The following SLC60A2 variants were observed in gnomAD, a reference collection of about 807,000 sequenced individuals.
SLC60A2 encodes the protein major facilitator superfamily domain containing 4B.
At chr6:111,259,387 C>A in the SLC60A2 span, 1 of 371,668 alleles carries the variant, frequency 2.7e-6, no homozygotes, top group Non-Finnish European at 4.8e-6. Context: ...GCCGAAGTTC[C>A]TCTTCTCTGC....
the SLC60A2 span, among the ~76,000 whole-genome samples, chr6:111,271,528 A>C: frequency 6.6e-6 from 1 of 151,988 alleles, no homozygotes; most frequent in Non-Finnish European, 1.5e-5. Context: ...AAGTATATTG[A>C]CATTACAGTT....
At chr6:111,277,993 C>G in the SLC60A2 span, 1 of 152,202 alleles carries the variant, frequency 6.6e-6, no homozygotes, top group Non-Finnish European at 1.5e-5. Flanking sequence ...TCCCTTATCA[C>G]TTGCAGTGAA....
the SLC60A2 span, chr6:111,267,073 A>T: frequency 1.2e-6 from 2 of 1,613,308 alleles, no homozygotes; most frequent in African/African-American, 2.7e-5. Flanking sequence ...GGCAGTGCCC[A>T]TGTGAAGCAC....
chr6:111,266,499 G>T, the SLC60A2 span: 2 of 1,614,178 alleles, frequency 1.2e-6, no homozygotes, highest in Admixed American at 1.7e-5. Context: ...TTTATTTCTG[G>T]TGCTTTTTGA....
At chr6:111,272,490 ACTT>A in the SLC60A2 span, among the ~76,000 whole-genome samples, 1 of 150,538 alleles carries the variant, frequency 6.6e-6, no homozygotes, top group East Asian at 1.9e-4. Flanking sequence ...GAACACTAGA[ACTT>A]CTTCCTTCTA....
chr6:111,260,168 C>T, the SLC60A2 span, among the ~76,000 whole-genome samples: 1 of 152,226 alleles, frequency 6.6e-6, no homozygotes, highest in East Asian at 1.9e-4. Flanking sequence ...ACCTCGGCCT[C>T]CCAAAGTATT....
chr6:111,261,575 C>A, the SLC60A2 span, among the ~76,000 whole-genome samples: 1 of 152,088 alleles, frequency 6.6e-6, no homozygotes, highest in African/African-American at 2.4e-5. Flanking sequence ...TAAGCAACCA[C>A]ACCTGACTTA....
the SLC60A2 span, chr6:111,263,909 G>A: frequency 6.2e-7 from 1 of 1,609,504 alleles, no homozygotes; most frequent in Non-Finnish European, 8.5e-7. Flanking sequence ...CTGTCATGAT[G>A]TCTATCTTCG....
At chr6:111,262,570 C>T in the SLC60A2 span, 2 of 711,730 alleles carry the variant, frequency 2.8e-6, no homozygotes, top group Non-Finnish European at 4.8e-6. Flanking sequence ...TTGAGTTTCC[C>T]TGGTACCTGC....
the SLC60A2 span, among the ~76,000 whole-genome samples, chr6:111,277,696 T>A: frequency 6.6e-6 from 1 of 152,250 alleles, no homozygotes; most frequent in Admixed American, 6.5e-5. Context: ...GGAAAGTAGC[T>A]AAACTCTTGG....
At chr6:111,266,919 G>A in the SLC60A2 span, 1 of 1,614,126 alleles carries the variant, frequency 6.2e-7, no homozygotes, top group Non-Finnish European at 8.5e-7. Flanking sequence ...GAATGAAATG[G>A]ATTTTGAAAT....
chr6:111,276,861 G>T, the SLC60A2 span, among the ~76,000 whole-genome samples: 1 of 152,016 alleles, frequency 6.6e-6, no homozygotes, highest in African/African-American at 2.4e-5. Context: ...ATATATCTCT[G>T]GTCCAGATTC....
the SLC60A2 span, chr6:111,266,283 T>C: frequency 6.2e-7 from 1 of 1,614,256 alleles, no homozygotes; most frequent in Non-Finnish European, 8.5e-7. Flanking sequence ...CTTCTTTTTT[T>C]ATGTTGGAGC....
At chr6:111,266,112 TG>T in the SLC60A2 span, 4 of 1,614,220 alleles carry the variant, frequency 2.5e-6, no homozygotes, top group Non-Finnish European at 3.4e-6. Flanking sequence ...GAATTTACTG[TG>T]GGCTTATGCT....
the SLC60A2 span, chr6:111,266,946 A>G: frequency 1.9e-6 from 3 of 1,614,040 alleles, no homozygotes; most frequent in Admixed American, 1.7e-5. Flanking sequence ...AACGAATGAT[A>G]CAATGAGGCA....
At chr6:111,275,678 G>A in the SLC60A2 span, among the ~76,000 whole-genome samples, 1 of 152,114 alleles carries the variant, frequency 6.6e-6, no homozygotes, top group Non-Finnish European at 1.5e-5. Context: ...AAAGTGCTGC[G>A]ATTACAGGTG....
At chr6:111,266,679 A>G in the SLC60A2 span, 1 of 1,614,198 alleles carries the variant, frequency 6.2e-7, no homozygotes, top group South Asian at 1.1e-5. Context: ...TCCTGCAGTC[A>G]TTGGAATTCT....
chr6:111,264,037 C>T, the SLC60A2 span: 1 of 658,264 alleles, frequency 1.5e-6, no homozygotes, highest in East Asian at 2.7e-5. Flanking sequence ...GCAATGCCCC[C>T]TAAAATGACA....
the SLC60A2 span, chr6:111,266,483 T>A: frequency 1.2e-6 from 2 of 1,614,226 alleles, no homozygotes; most frequent in South Asian, 2.2e-5. Flanking sequence ...GCAGCCTGAC[T>A]TCATCTTTAT....
Sources: allele counts gnomAD v4.1 joint callset (sites outside exome capture counted in the v4.1 genomes callset), GRCh38; gene constraint gnomAD v4.1.1; transcripts MANE v1.5; gene names NCBI Gene and HGNC (gene_info 2026-07-23, HGNC 2026-07-21).